CD1A: variants seen among roughly 807,000 people sequenced by gnomAD.
CD1A encodes the protein CD1a molecule.
CD1A carries 50 observed loss-of-function variants against 38.3 expected under a neutral mutation model. The observed-to-expected ratio is 1.30, with a 90% CI of 1.04 to 1.65. CD1A has a LOEUF of 1.65. Ranked by LOEUF, CD1A falls within the 40% of genes most tolerant of loss-of-function variation. The pLI is 0.00. For missense variants in CD1A, 459 were observed against 406.1 expected (o/e 1.13, Z -1.12); for synonymous variants, 160 against 150.8 (o/e 1.06, Z -0.45).
At chr1:158,254,355 A>C, upstream of CD1A, 1 of 1,202,842 alleles carries the variant, frequency 8.3e-7, no homozygotes, top group East Asian at 5.2e-5. Context: ...AAATGTCCTT[A>C]GTGGTTAAGT....
chr1:158,255,974 C>A, intron 2 of CD1A, 30 bp from the exon 3 acceptor site: 1 of 1,577,632 alleles, frequency 6.3e-7, no homozygotes, highest in Non-Finnish European at 8.6e-7. Context: ...ATATTTTTTT[C>A]TCCCTCTTTC....
In CD1A at chr1:158,254,728, G is replaced by A. The variant is rs1277069816; in HGVS notation, c.58+1G>A. The A allele has an allele frequency of 6.2e-7, 1 of 1,609,094 alleles. No homozygotes were observed. Among genetic ancestry groups the A allele is most frequent in the South Asian group, 1.1e-5 (1 of 90,950 alleles). On this transcript the variant is annotated splice_donor_variant, in intron 1 of 5. Transcript: ENST00000289429. LOFTEE classifies it high-confidence loss of function. Reference sequence around the variant, plus strand: ...CTCCCAGGTGATGGCAATGCAGACGGTAAGAACTCTGACAACTGCCCAGTT... The same window carrying A: ...CTCCCAGGTGATGGCAATGCAGACGATAAGAACTCTGACAACTGCCCAGTT...
Position 158,256,958 on chromosome 1 carries a change from A to C in CD1A, c.777A>C (p.Thr259=). 6.2e-7 allele frequency: 1 copy of C among 1,614,174 alleles called. No individual in the cohort carries two copies. The highest frequency in any genetic ancestry group is 8.5e-7 in the Non-Finnish European group (1 of 1,180,018). The change falls in exon 4 of 6, where the codon ACA becomes ACC. Residue 259 remains threonine, a synonymous_variant. Transcript: ENST00000289429. ...RGDILPSADG[T]WYLRATLEVA... ...ACATCTTGCCCAGTGCTGATGGGAC[A>C]TGGTATCTCCGCGCAACCCTGGAGG...
At chr1:158,254,305 AGCC>A (rs1010143630), upstream of CD1A, 1 of 1,126,774 alleles carries the variant, frequency 8.9e-7, no homozygotes, top group African/African-American at 1.6e-5. Flanking sequence ...GCACACTGGG[AGCC>A]ATTTCACTTT....
rs746368249 is a variant in CD1A at position 158,256,163 on chromosome 1, G to A, written c.485G>A (p.Cys162Tyr). 25 of 1,614,114 alleles carry A rather than the reference G, an allele frequency of 1.5e-5. No homozygotes were observed. The Middle Eastern group carries it at 1.6e-3, about 107-fold the overall frequency. Reference sequence around the variant, plus strand: ...GCTGGGAATATGGCCAAGCATTTCTGCAAAGTGCTCAATCAGAATCAGCAT... The same window carrying A: ...GCTGGGAATATGGCCAAGCATTTCTACAAAGTGCTCAATCAGAATCAGCAT... ...PVAGNMAKHFCKVLNQNQHEN... is the reference protein window; with the variant it reads ...PVAGNMAKHFYKVLNQNQHEN... Residue 162 changes from cysteine (C) to tyrosine (Y), a missense_variant, in exon 3 of 6, where the codon TGC (cysteine) becomes TAC (tyrosine). Transcript: ENST00000289429.
chr1:158,253,127 C>G (rs1326777668), upstream of CD1A, among the ~76,000 whole-genome samples: 1 of 152,154 alleles, frequency 6.6e-6, no homozygotes, highest in East Asian at 1.9e-4. Context: ...CCTAAATTAG[C>G]TTCAGATACT....
chr1:158,256,982 G>T lies in CD1A; in HGVS notation c.801G>T (p.Glu267Asp), dbSNP rs778580983. The T allele has an allele frequency of 6.2e-7, 1 of 1,614,210 alleles. No individual in the cohort carries two copies. The highest frequency in any genetic ancestry group is 8.5e-7 in the Non-Finnish European group (1 of 1,180,050). ...CATGGTATCTCCGCGCAACCCTGGA[G>T]GTGGCCGCTGGGGAGGCAGCTGACC... Reference protein sequence around the residue: ...DGTWYLRATLEVAAGEAADLS... With the variant: ...DGTWYLRATLDVAAGEAADLS... The change falls in exon 4 of 6, where the codon GAG becomes GAT. Residue 267 changes from glutamate to aspartate, a missense_variant. Transcript: ENST00000289429.
chr1:158,254,388 C>T (rs1342968465), upstream of CD1A: 3 of 1,276,232 alleles, frequency 2.4e-6, no homozygotes, highest in Admixed American at 3.4e-5. Flanking sequence ...CCACATCAGA[C>T]TTGTTCCATA....
At chr1:158,254,132 G>A (rs1049929784), upstream of CD1A, 69 of 943,452 alleles carry the variant, frequency 7.3e-5, 1 homozygote, top group Admixed American at 3.9e-4. Context: ...TTGTACTGTC[G>A]CACAGGGCAG....
At chr1:158,255,944 G>A (rs1409406498) in intron 2 of CD1A, 60 bp from the exon 3 acceptor site, 1 of 1,492,126 alleles carries the variant, frequency 6.7e-7, no homozygotes, top group African/African-American at 1.4e-5. Context: ...TATAATCTTT[G>A]CTTCTACTCA....
chr1:158,256,021 G>C lies in CD1A; in HGVS notation c.343G>C (p.Val115Leu). 1 of 1,613,658 alleles carries C rather than the reference G, an allele frequency of 6.2e-7. No individual in the cohort carries two copies. Among genetic ancestry groups the C allele is most frequent in the East Asian group, 2.2e-5 (1 of 44,860 alleles). Reference protein sequence around the residue: ...LQFEYPFEIQVTGGCELHSGK... With the variant: ...LQFEYPFEIQLTGGCELHSGK... ...AACCCCAGATCCTTTTGAGATACAG[G>C]TGACAGGAGGCTGTGAGCTGCACTC... The change falls in exon 3 of 6, where the codon GTG (valine) becomes CTG (leucine). Residue 115 changes from valine to leucine, a missense_variant. Val to Leu is a conservative substitution (Grantham distance 32). Transcript: ENST00000289429.
rs775233831 is a variant in CD1A at position 158,255,294 on chromosome 1, G to A, written c.269G>A (p.Arg90His). Residue 90 changes from arginine (R) to histidine (H), a missense_variant, in exon 2 of 6, where the codon CGC (arginine) becomes CAC (histidine). Coordinates refer to ENST00000289429, the MANE Select transcript of CD1A (RefSeq NM_001763.3). ...WKELETLFRI[R>H]TIRSFEGIRR... ...GAACTGGAAACATTATTCCGTATAC[G>A]CACCATTCGGTCATTTGAGGGAATT... 37 of 1,613,948 alleles carry A rather than the reference G, an allele frequency of 2.3e-5. No individual in the cohort carries two copies. Among genetic ancestry groups the A allele is most frequent in the South Asian group, 1.1e-4 (10 of 91,082 alleles).
upstream of CD1A, chr1:158,254,285 G>A: frequency 9.1e-7 from 1 of 1,104,030 alleles, no homozygotes; most frequent in Non-Finnish European, 1.1e-6. Flanking sequence ...GGACATGGGA[G>A]CATTGGGCAG....
upstream of CD1A, among the ~76,000 whole-genome samples, chr1:158,251,269 C>T (rs868261705): frequency 2.6e-5 from 4 of 152,272 alleles, no homozygotes; most frequent in African/African-American, 9.6e-5. Context: ...GTTGCCTTGT[C>T]TTAGTGGTGG....
chr1:158,252,811 T>C (rs2101628893), upstream of CD1A, among the ~76,000 whole-genome samples: 1 of 152,204 alleles, frequency 6.6e-6, no homozygotes, highest in Middle Eastern at 3.4e-3. Flanking sequence ...GGCAGGACAA[T>C]TGCTTTAACC....
At chr1:158,253,595 C>T (rs1650143540), upstream of CD1A, among the ~76,000 whole-genome samples, 1 of 152,116 alleles carries the variant, frequency 6.6e-6, no homozygotes, top group African/African-American at 2.4e-5. Flanking sequence ...TGAATTCATT[C>T]ATTCATTTGA....
At chr1:158,249,009 C>T in the CD1A span, among the ~76,000 whole-genome samples, 8 of 152,334 alleles carry the variant, frequency 5.3e-5, no homozygotes, top group South Asian at 1.5e-3. Flanking sequence ...CCAATCTGTG[C>T]CCAACTTCCT....
upstream of CD1A, among the ~76,000 whole-genome samples, chr1:158,249,538 G>C (rs970579529): frequency 6.6e-6 from 1 of 152,052 alleles, no homozygotes; most frequent in Admixed American, 6.5e-5. Context: ...ATAACATTGG[G>C]GGTTAGAATT....
chr1:158,254,570 C>T lies in CD1A; in HGVS notation c.-100C>T. The T allele has an allele frequency of 6.3e-7, 1 of 1,591,100 alleles. No individual in the cohort carries two copies. On this transcript the variant is annotated 5_prime_UTR_variant, in exon 1 of 6. Transcript: ENST00000289429. ...TCAGGGGAGGTTTGTCTGTTGGCTGCAGAAAGAAGTCAGAATAGAGATATC... is the reference window on the plus strand; with the variant it reads ...TCAGGGGAGGTTTGTCTGTTGGCTGTAGAAAGAAGTCAGAATAGAGATATC...
Sources: allele counts gnomAD v4.1 joint callset (sites outside exome capture counted in the v4.1 genomes callset), GRCh38; gene constraint gnomAD v4.1.1; transcripts MANE v1.5; gene names NCBI Gene and HGNC (gene_info 2026-07-23, HGNC 2026-07-21).